Variants in PLCB1 observed in about 807,000 individuals in gnomAD.
PLCB1 encodes 1-phosphatidylinositol 4,5-bisphosphate phosphodiesterase beta-1.
PLCB1 carries 46 observed loss-of-function variants against 161.8 expected under a neutral mutation model. The ratio of observed to expected loss-of-function variants is 0.28; its 90% CI spans 0.22 to 0.36. PLCB1 has a LOEUF of 0.36. Ranked by LOEUF, PLCB1 falls within the 10% of genes least tolerant of loss-of-function variation. The pLI is 1.00. For synonymous variants in PLCB1, 517 were observed against 503.7 expected (o/e 1.03, Z -0.35); for missense variants, 1,016 against 1,472.5 (o/e 0.69, Z 5.07).
intron 2 of PLCB1, among the ~76,000 whole-genome samples, chr20:8,295,031 G>A (rs1268453422): frequency 1.3e-5 from 2 of 152,228 alleles, no homozygotes; most frequent in East Asian, 1.9e-4. Context: ...ACTACGTGCA[G>A]TATGATACAT....
chr20:8,768,587 C>T (rs558927732), intron 26 of PLCB1, among the ~76,000 whole-genome samples: 152 of 152,312 alleles, frequency 1.0e-3, no homozygotes, highest in African/African-American at 3.2e-3. Flanking sequence ...ATATATTTCT[C>T]ACAGCAGCAC....
intron 31 of PLCB1, among the ~76,000 whole-genome samples, chr20:8,804,956 G>A (rs1984457245): frequency 7.5e-6 from 1 of 133,176 alleles, no homozygotes; most frequent in Non-Finnish European, 1.5e-5. Context: ...AGCCAAGGTT[G>A]CACCATTGCA....
intron 3 of PLCB1, among the ~76,000 whole-genome samples, chr20:8,554,120 G>A (rs754219894): frequency 3.8e-4 from 57 of 150,918 alleles, no homozygotes; most frequent in Non-Finnish European, 1.3e-4. Flanking sequence ...GTGTTGGCAA[G>A]ATTGTAGAAT....
intron 3 of PLCB1, among the ~76,000 whole-genome samples, chr20:8,401,018 G>T (rs890878120): frequency 2.0e-5 from 3 of 152,106 alleles, no homozygotes; most frequent in Non-Finnish European, 2.9e-5. Context: ...CAACAATCAA[G>T]ATTACCTGTT....
chr20:8,498,106 C>A (rs1983252370), intron 3 of PLCB1, among the ~76,000 whole-genome samples: 1 of 151,924 alleles, frequency 6.6e-6, no homozygotes, highest in South Asian at 2.1e-4. Flanking sequence ...TTTTTCTTTT[C>A]TTTTCTTTTT....
At chr20:8,436,757 C>A (rs755466592) in intron 3 of PLCB1, among the ~76,000 whole-genome samples, 4 of 152,088 alleles carry the variant, frequency 2.6e-5, no homozygotes, top group Non-Finnish European at 5.9e-5. Context: ...AACACTTGAC[C>A]TAGCCACCGT....
At position 8,737,028 on chromosome 20, in the gene PLCB1, A is replaced by T; in HGVS notation, c.2044A>T (p.Ile682Phe). Residue 682 changes from isoleucine (I) to phenylalanine (F), a missense_variant and splice_region_variant, in exon 20 of 32, where the codon ATT becomes TTT. By Grantham distance (21) the Ile-to-Phe change is conservative. This residue lies in a region of PLCB1 where 67 missense variants were observed against 195.6 expected (regional missense o/e 0.34). Transcript: ENST00000338037. ...ATTGATTGATTTATTGATTTTCTAG[A>T]TTATTTCAGGTCAGTTTCTTTCTGA... ...GIVANTLSVK[I>F]ISGQFLSDKK... 6.2e-7 allele frequency: 1 copy of T among 1,607,836 alleles called. No individual in the cohort carries two copies. Among genetic ancestry groups the T allele is most frequent in the Non-Finnish European group, 8.5e-7 (1 of 1,175,072 alleles).
chr20:8,214,381 G>A (rs1354810459), intron 2 of PLCB1, among the ~76,000 whole-genome samples: 5 of 152,074 alleles, frequency 3.3e-5, no homozygotes, highest in Admixed American at 6.6e-5. Context: ...ATTTAAAAGT[G>A]TGGCGCCTGG....
At chr20:8,405,048 C>G (rs1978724107) in intron 3 of PLCB1, among the ~76,000 whole-genome samples, 1 of 152,104 alleles carries the variant, frequency 6.6e-6, no homozygotes, top group South Asian at 2.1e-4. Flanking sequence ...ATATAGAAGA[C>G]AGAAATTAGT....
intron 17 of PLCB1, among the ~76,000 whole-genome samples, 159 bp from the exon 18 acceptor site, chr20:8,728,891 C>A (rs1171811515): frequency 6.6e-6 from 1 of 151,976 alleles, no homozygotes; most frequent in Non-Finnish European, 1.5e-5. Context: ...TATTTAATTT[C>A]TTTCATAAAA....
intron 31 of PLCB1, among the ~76,000 whole-genome samples, chr20:8,879,187 T>C (rs566653756): frequency 6.6e-6 from 1 of 152,322 alleles, no homozygotes; most frequent in South Asian, 2.1e-4. Flanking sequence ...GTACCATATT[T>C]TCTTTATCCA....
At chr20:8,688,168 CT>C (rs1451278985) in intron 10 of PLCB1, among the ~76,000 whole-genome samples, 1 of 152,136 alleles carries the variant, frequency 6.6e-6, no homozygotes, top group Non-Finnish European at 1.5e-5. Context: ...CCTTAGCCCA[CT>C]TTTTGATGGA....
chr20:8,786,772 C>T (rs1228162985), intron 27 of PLCB1, among the ~76,000 whole-genome samples: 1 of 150,692 alleles, frequency 6.6e-6, no homozygotes, highest in Non-Finnish European at 1.5e-5. Context: ...GGTGCAATCT[C>T]GGCTCACTGC....
Position 8,139,081 on chromosome 20 carries a change from G to GTTTTTTTTT in PLCB1, c.99+6346_99+6354dup, listed in dbSNP as rs71329695. On this transcript the variant is annotated intron_variant, in intron 1 of 31. Coordinates refer to ENST00000338037, the MANE Select transcript of PLCB1 (RefSeq NM_015192.4). ...CCTACATCTGTCTTTTATTTCAAGG[G>GTTTTTTTTT]TTTTTTTTTTTTTTTTTTTTTTTGA... 2.9e-4 allele frequency among the ~76,000 whole-genome samples: 27 copies of GTTTTTTTTT among 91,628 alleles called. 1 individual carries two copies. The highest frequency in any genetic ancestry group is 4.8e-4 in the African/African-American group (11 of 22,740). 60.1% of individuals were successfully genotyped at this position (91,628 alleles called of 152,430 possible).
chr20:8,762,895 T>G (rs1156751968), intron 25 of PLCB1, among the ~76,000 whole-genome samples: 1 of 152,246 alleles, frequency 6.6e-6, no homozygotes, highest in East Asian at 1.9e-4. Flanking sequence ...GCATATATTA[T>G]TTCTGAATCT....
chr20:8,542,616 A>G (rs1182947222), intron 3 of PLCB1, among the ~76,000 whole-genome samples: 1 of 152,214 alleles, frequency 6.6e-6, no homozygotes, highest in African/African-American at 2.4e-5. Context: ...TAAGAAAAGA[A>G]TGGAAAAGTT....
In PLCB1 at chr20:8,639,091, G is replaced by A. The variant is rs572950132; in HGVS notation, c.385-7011G>A. 2.0e-3 allele frequency among the ~76,000 whole-genome samples: 308 copies of A among 152,314 alleles called. 1 individual carries two copies. The highest frequency in any genetic ancestry group is 7.0e-3 in the African/African-American group (290 of 41,584). Reference sequence around the variant, plus strand: ...ACCAAGACAGTGATAGGTAAAGAAAGGCAGATTTATTAGAGAAAGTTTGAA... The same window carrying A: ...ACCAAGACAGTGATAGGTAAAGAAAAGCAGATTTATTAGAGAAAGTTTGAA... On this transcript the variant is annotated intron_variant, in intron 4 of 31. Coordinates refer to ENST00000338037, the MANE Select transcript of PLCB1 (RefSeq NM_015192.4).
chr20:8,654,512 G>A (rs1468427482), intron 7 of PLCB1, among the ~76,000 whole-genome samples: 1 of 151,918 alleles, frequency 6.6e-6, no homozygotes, highest in African/African-American at 2.4e-5. Flanking sequence ...ATAAGAGATT[G>A]TCATGTCACT....
At chr20:8,669,981 G>A (rs949784974) in intron 9 of PLCB1, among the ~76,000 whole-genome samples, 5 of 152,112 alleles carry the variant, frequency 3.3e-5, no homozygotes, top group African/African-American at 4.8e-5. Flanking sequence ...CTTGCATTAC[G>A]GTCAGGAACC....
Sources: allele counts gnomAD v4.1 joint callset (sites outside exome capture counted in the v4.1 genomes callset), GRCh38; gene constraint gnomAD v4.1.1; regional missense constraint gnomAD v4.1.1; transcripts MANE v1.5; gene names NCBI Gene and HGNC (gene_info 2026-07-23, HGNC 2026-07-21).